Variants in MYBL1 observed in about 807,000 individuals in gnomAD.
The protein encoded by MYBL1 is MYB proto-oncogene like 1.
Under a neutral mutation model 96.3 loss-of-function variants are expected in MYBL1, and 17 were observed. The ratio of observed to expected loss-of-function variants is 0.18; its 90% CI spans 0.12 to 0.26. The LOEUF (loss-of-function observed/expected upper bound fraction) is 0.26, where lower values mean the gene tolerates loss of function less well. Ranked by LOEUF, MYBL1 falls within the 10% of genes least tolerant of loss-of-function variation. MYBL1 has a pLI of 1.00. For missense variants in MYBL1, 701 were observed against 882.9 expected, an observed-to-expected ratio of 0.79 and a Z score of 2.61; for synonymous variants, 282 against 292.7, an observed-to-expected ratio of 0.96 and a Z score of 0.37.
chr8:66,575,048 C>G lies in MYBL1; in HGVS notation c.1470+959G>C, dbSNP rs1586559393. ...CAGCCTGGGCAACAAGAGCAAAACT[C>G]CATCTCAAAGAAAAAAAAAAAAGCG... On this transcript the variant is annotated intron_variant, in intron 10 of 15. Transcript: ENST00000522677. Among the ~76,000 whole-genome samples the G allele has an allele frequency of 3.3e-5, 5 of 151,842 alleles. 1 individual carries two copies. The highest frequency in any genetic ancestry group is 3.3e-4 in the Admixed American group (5 of 15,250).
Position 66,592,530 on chromosome 8 carries a change from A to T in MYBL1, c.777T>A (p.Asp259Glu), listed in dbSNP as rs1461932072. 6.9e-6 allele frequency: 11 copies of T among 1,591,612 alleles called. No individual in the cohort carries two copies. Among genetic ancestry groups the T allele is most frequent in the Non-Finnish European group, 9.4e-6 (11 of 1,172,074 alleles). The change falls in exon 8 of 16, where the codon GAT becomes GAA. Residue 259 changes from aspartate (D) to glutamate (E), a missense_variant. By Grantham distance (45) the Asp-to-Glu change is conservative. Around this residue, in one of 5 missense-constraint regions of MYBL1, gnomAD observed 396 missense variants for 407.4 expected, o/e 0.97. Transcript: ENST00000522677. ...TTTTCTTTTCCTTATCAGGATCTTC[A>T]TCAATGAAGGGTTGCTAAAATAAGT... is the stretch of plus-strand genomic sequence containing the variant. The part of the protein sequence containing the change: ...TSAFIQQPFI[D>E]EDPDKEKKIK...
intron 10 of MYBL1, among the ~76,000 whole-genome samples, chr8:66,574,374 G>A (rs948558567): frequency 6.6e-6 from 1 of 152,140 alleles, no homozygotes; most frequent in Non-Finnish European, 1.5e-5. Flanking sequence ...ATAGAAAACT[G>A]CTAGTATGCC....
At chr8:66,600,381 G>C (rs951486211) in intron 3 of MYBL1, among the ~76,000 whole-genome samples, 2 of 152,170 alleles carry the variant, frequency 1.3e-5, no homozygotes, top group African/African-American at 4.8e-5. Context: ...TTCATTTATG[G>C]CTTCTGTACA....
intron 1 of MYBL1, 60 bp downstream of exon 1, chr8:66,612,759 G>A: frequency 7.5e-7 from 1 of 1,340,882 alleles, no homozygotes; most frequent in East Asian, 2.8e-5. Flanking sequence ...CAGCGGGATA[G>A]GAAAGAGAAT....
In MYBL1 at chr8:66,568,062, AC is replaced by A. The variant is rs374639722; in HGVS notation, c.1729-1071del. On this transcript the variant is annotated intron_variant, in intron 12 of 15. Transcript: ENST00000522677. ...ACTCCGTCTCAAAAAAAAAAAAAAA[AC>A]AACAACAACAAAACAAAAAACAAAA... Among the ~76,000 whole-genome samples the A allele has an allele frequency of 4.7e-4, 70 of 150,282 alleles. 1 individual carries two copies. The highest frequency in any genetic ancestry group is 6.9e-3 in the Middle Eastern group (2 of 290).
intron 8 of MYBL1, among the ~76,000 whole-genome samples, chr8:66,583,862 A>G (rs894410013): frequency 3.3e-5 from 5 of 152,202 alleles, no homozygotes; most frequent in Non-Finnish European, 7.3e-5. Context: ...CAATGGCTTC[A>G]TTGCAGAATT....
chr8:66,591,979 C>A (rs975855478), intron 8 of MYBL1, among the ~76,000 whole-genome samples: 2 of 151,930 alleles, frequency 1.3e-5, no homozygotes, highest in African/African-American at 4.8e-5. Context: ...AATCAGGCAA[C>A]CTTGGGCCAG....
intron 10 of MYBL1, among the ~76,000 whole-genome samples, chr8:66,574,910 C>A (rs895135387): frequency 6.6e-6 from 1 of 152,110 alleles, no homozygotes; most frequent in Non-Finnish European, 1.5e-5. Flanking sequence ...CAAAATTAGC[C>A]GGGCGTGGTG....
rs1810581001 is a variant in MYBL1 at position 66,612,730 on chromosome 8, G to A, written c.20+89C>T. ...AAAACCTCTGCCCTCGCCAGGGAGG[G>A]CCTTATGGCGGGAGGGGGCAGCGGG... is the stretch of plus-strand genomic sequence containing the variant. On this transcript the variant is annotated intron_variant, in intron 1 of 15. Transcript: ENST00000522677. 3.1e-6 allele frequency: 4 copies of A among 1,289,494 alleles called. 1 individual carries two copies. The South Asian group carries it at 1.1e-4, about 34-fold the overall frequency. 79.9% of individuals were successfully genotyped at this position (1,289,494 alleles called of 1,614,324 possible). A position where few individuals can be genotyped will look rare whatever the true frequency, so the allele number is the denominator to read the frequency against.
intron 8 of MYBL1, among the ~76,000 whole-genome samples, chr8:66,586,460 T>C (rs768078574): frequency 3.3e-5 from 5 of 152,086 alleles, no homozygotes; most frequent in Non-Finnish European, 7.4e-5. Context: ...ATCAGGGAAA[T>C]GCAAATCAAA....
chr8:66,597,485 T>C lies in MYBL1; in HGVS notation c.357A>G (p.Gly119=), dbSNP rs1368214711. Residue 119 remains glycine (G), a synonymous_variant, in exon 5 of 16, where the codon GGA becomes GGG. Transcript: ENST00000522677. The part of the protein sequence containing the change: ...RWSLIAKHLK[G]RIGKQCRERW... ...TTTCTCTACACTGCTTGCCTATTCT[T>C]CCTTTTAAATGTTTTGCAATTAAAG... The C allele has an allele frequency of 6.2e-7, 1 of 1,613,336 alleles. No individual in the cohort carries two copies. Among genetic ancestry groups the C allele is most frequent in the East Asian group, 2.2e-5 (1 of 44,788 alleles).
At chr8:66,567,880 G>T (rs1808569257) in intron 12 of MYBL1, among the ~76,000 whole-genome samples, 1 of 151,798 alleles carries the variant, frequency 6.6e-6, no homozygotes, top group African/African-American at 2.4e-5. Flanking sequence ...TGGCCAACAT[G>T]GTGAAACCCC....
At chr8:66,593,889 A>G (rs1809749013) in intron 6 of MYBL1, among the ~76,000 whole-genome samples, 1 of 152,142 alleles carries the variant, frequency 6.6e-6, no homozygotes, top group African/African-American at 2.4e-5. Flanking sequence ...TAATTCCAGC[A>G]CTTTGGGAGG....
Position 66,613,019 on chromosome 8 carries a change from A to AACCGAC in MYBL1, c.-182_-181insGTCGGT. ...GGAGGGACAGCGGGGGCGGACCGCGACCCGACCCCGACCCCGGCCCGCAGC... is the reference window on the plus strand; with the variant it reads ...GGAGGGACAGCGGGGGCGGACCGCGAACCGACCCCGACCCCGACCCCGGCCCGCAGC... On this transcript the variant is annotated 5_prime_UTR_variant, in exon 1 of 16. Coordinates refer to ENST00000522677, the MANE Select transcript of MYBL1 (RefSeq NM_001080416.4). 1 of 615,272 alleles carries AACCGAC rather than the reference A, an allele frequency of 1.6e-6. No individual in the cohort carries two copies. The highest frequency in any genetic ancestry group is 2.4e-6 in the Non-Finnish European group (1 of 419,160). The allele number at this position is 615,272 out of a possible 1,614,324, so 38.1% of individuals were successfully genotyped here.
rs1809824317 is a variant in MYBL1, at chr8:66,595,691, A to G, written c.579T>C (p.Tyr193=). The G allele has an allele frequency of 3.2e-6, 5 of 1,582,406 alleles. No individual in the cohort carries two copies. The highest frequency in any genetic ancestry group is 4.3e-6 in the Non-Finnish European group (5 of 1,162,202). Residue 193 remains tyrosine (Y), a synonymous_variant, in exon 6 of 16, where the codon TAT becomes TAC. Transcript: ENST00000522677. ...GTTCTGATTTTATTCCATCTTGTAA[A>G]TAGCCCTCCTGTTCCACTTTTCTTC... ...TMRRKVEQEG[Y]LQDGIKSERS... is the part of the protein sequence containing the mutation.
intron 4 of MYBL1, among the ~76,000 whole-genome samples, chr8:66,597,871 A>C (rs1586591045): frequency 6.6e-6 from 1 of 150,802 alleles, no homozygotes; most frequent in East Asian, 1.9e-4. Context: ...AAAAAAAAAA[A>C]AACGCTTCAG....
chr8:66,589,381 T>C (rs1329441630), intron 8 of MYBL1, among the ~76,000 whole-genome samples: 1 of 151,992 alleles, frequency 6.6e-6, no homozygotes, highest in Non-Finnish European at 1.5e-5. Context: ...GATATGATCA[T>C]AGCTCACCGC....
At chr8:66,601,807 C>T (rs1438834143) in intron 2 of MYBL1, 38 bp from the exon 3 acceptor site, 8 of 1,096,074 alleles carry the variant, frequency 7.3e-6, no homozygotes, top group Non-Finnish European at 1.1e-5. Context: ...GCTTTCCCCC[C>T]GTCCTTTTCC....
chr8:66,584,957 T>C (rs1459494316), intron 8 of MYBL1, among the ~76,000 whole-genome samples: 3 of 152,136 alleles, frequency 2.0e-5, no homozygotes, highest in African/African-American at 4.8e-5. Context: ...AAAATGACCA[T>C]ATTACCAAAA....
Sources: gnomAD v4.1 joint callset for allele counts (sites outside exome capture counted in the v4.1 genomes callset) on GRCh38, gnomAD v4.1.1 for gene constraint, gnomAD v4.1.1 regional missense constraint, MANE v1.5 for transcripts, NCBI Gene and HGNC (gene_info 2026-07-23, HGNC 2026-07-21) for gene names.